The following CEACAM7 variants were observed in gnomAD, a reference collection of about 807,000 sequenced individuals.
CEACAM7 encodes cell adhesion molecule CEACAM7.
In CEACAM7, 24 loss-of-function variants were observed where a neutral mutation model predicts 25.7. The ratio of observed to expected loss-of-function variants is 0.93; its 90% confidence interval spans 0.68 to 1.31. The LOEUF is 1.31. Ranked by LOEUF, CEACAM7 falls within the 40% of genes most tolerant of loss-of-function variation. The pLI is 0.00. For synonymous variants in CEACAM7, 144 were observed against 129.4 expected, an observed-to-expected ratio of 1.11 and a Z score of -0.77; for missense variants, 324 against 330.1, an observed-to-expected ratio of 0.98 and a Z score of 0.14.
chr19:41,686,274 T>G (rs1213742492), intron 2 of CEACAM7, among the ~76,000 whole-genome samples: 1 of 152,170 alleles, frequency 6.6e-6, no homozygotes, highest in Non-Finnish European at 1.5e-5. Flanking sequence ...ATCTGTCCTC[T>G]CCAGGCTGAG....
Position 41,686,848 on chromosome 19 carries a change from G to T in CEACAM7, c.427+11C>A, listed in dbSNP as rs781992219. On this transcript the variant is annotated intron_variant, in intron 2 of 4. Transcript: ENST00000401731. ...CCCCCAGCACCCAGAAGTCATGGAG[G>T]TATCACTCACAGAATACGTAGAATT... 4.6e-6 allele frequency: 7 copies of T among 1,522,920 alleles called. No individual in the cohort carries two copies. Among genetic ancestry groups the T allele is most frequent in the Non-Finnish European group, 6.2e-6 (7 of 1,138,174 alleles). 94.3% of individuals were successfully genotyped at this position (1,522,920 alleles called of 1,614,324 possible).
intron 4 of CEACAM7, among the ~76,000 whole-genome samples, chr19:41,677,159 G>A (rs2122715210): frequency 6.6e-6 from 1 of 152,346 alleles, no homozygotes. Context: ...CAAATGAGCA[G>A]AGGCTGGGAG....
chr19:41,687,701 G>A (rs2072242972), intron 1 of CEACAM7, among the ~76,000 whole-genome samples: 1 of 152,252 alleles, frequency 6.6e-6, no homozygotes, highest in Non-Finnish European at 1.5e-5. Flanking sequence ...ACAGGCTGCA[G>A]GCTCCAGTAG....
At position 41,682,109 on chromosome 19, in the gene CEACAM7, G is replaced by A. The variant is rs1223159938; in HGVS notation, c.706+1676C>T. 6.6e-5 allele frequency among the ~76,000 whole-genome samples: 10 copies of A among 152,178 alleles called. No homozygotes were observed. The East Asian group carries it at 1.7e-3, about 27-fold the overall frequency. On this transcript the variant is annotated intron_variant, in intron 3 of 4. Coordinates refer to ENST00000401731, the MANE Select transcript of CEACAM7 (RefSeq NM_001291485.2). ...TACAGGCCATGTGCCACCATGTTTC[G>A]CTAATTTTTTGGGAAGACAGTGTTT...
At position 41,687,228 on chromosome 19, in the gene CEACAM7, G is replaced by C. The variant is rs781846654; in HGVS notation, c.65-7C>G. ...CAGAAGGTTAAAAGCGAGGCTAGGA[G>C]GGGGAGAGAACATCAGTCAATATTG... On this transcript the variant is annotated splice_polypyrimidine_tract_variant and splice_region_variant and intron_variant, in intron 1 of 4. Coordinates refer to ENST00000401731, the MANE Select transcript of CEACAM7 (RefSeq NM_001291485.2). 6.3e-6 allele frequency: 10 copies of C among 1,584,998 alleles called. No homozygotes were observed. The East Asian group carries it at 2.0e-4, about 32-fold the overall frequency.
Position 41,677,865 on chromosome 19 carries a change from T to C in CEACAM7, c.707-362A>G, listed in dbSNP as rs1056342290. ...TGTCTCAGTTGTGGCAGTTAGTGCA[T>C]TTTGAATTCACCACCTCCTTTGCAC... On this transcript the variant is annotated intron_variant, in intron 3 of 4. Transcript: ENST00000401731. Among the ~76,000 whole-genome samples, 160 of 152,266 alleles carry C rather than the reference T, an allele frequency of 1.1e-3. 1 individual carries two copies. The highest frequency in any genetic ancestry group is 5.9e-5 in the Non-Finnish European group (4 of 68,002).
rs782118134 is a variant in CEACAM7 at position 41,688,198 on chromosome 19, A to C, written c.-33T>G. ...GCTGCCTGCTTGTCCTCTGTGGAGA[A>C]GAGCTTGGGCTCCAGGAACTCTCTT... On this transcript the variant is annotated 5_prime_UTR_variant, in exon 1 of 5. Coordinates refer to ENST00000401731, the MANE Select transcript of CEACAM7 (RefSeq NM_001291485.2). 1 of 1,602,684 alleles carries C rather than the reference A, an allele frequency of 6.2e-7. No individual in the cohort carries two copies. Among genetic ancestry groups the C allele is most frequent in the Non-Finnish European group, 8.5e-7 (1 of 1,173,958 alleles).
At chr19:41,687,600 T>TC (rs35098489) in intron 1 of CEACAM7, among the ~76,000 whole-genome samples, 3,808 of 152,316 alleles carry the variant, frequency 0.025, 150 homozygotes, top group African/African-American at 0.085. Context: ...ACATTCTAGA[T>TC]CTCTTTGCCT....
At position 41,677,511 on chromosome 19, in the gene CEACAM7, G is replaced by A; in HGVS notation, c.707-8C>T. 2 of 1,604,016 alleles carry A rather than the reference G, an allele frequency of 1.2e-6. No homozygotes were observed. Among genetic ancestry groups the A allele is most frequent in the Non-Finnish European group, 1.7e-6 (2 of 1,171,476 alleles). On this transcript the variant is annotated splice_region_variant and splice_polypyrimidine_tract_variant and intron_variant, in intron 3 of 4. Coordinates refer to ENST00000401731, the MANE Select transcript of CEACAM7 (RefSeq NM_001291485.2). ...TTGCTTGTACTGACTCATCTGCCATGGAAAGAAAAGAGAAGGAATGAAGTT... is the reference window on the plus strand; with the variant it reads ...TTGCTTGTACTGACTCATCTGCCATAGAAAGAAAAGAGAAGGAATGAAGTT...
At chr19:41,681,142 C>G (rs979847322) in intron 3 of CEACAM7, among the ~76,000 whole-genome samples, 8 of 152,078 alleles carry the variant, frequency 5.3e-5, no homozygotes, top group Non-Finnish European at 1.0e-4. Flanking sequence ...GGAAGATATG[C>G]AAATGGCCAA....
chr19:41,684,475 C>CT (rs1189426657), intron 2 of CEACAM7, among the ~76,000 whole-genome samples: 2 of 151,966 alleles, frequency 1.3e-5, no homozygotes, highest in African/African-American at 2.4e-5. Context: ...TTCTCTGAGC[C>CT]TTTTTTTTCC....
At chr19:41,675,803 C>A (rs1332076916) in intron 4 of CEACAM7, among the ~76,000 whole-genome samples, 2 of 152,206 alleles carry the variant, frequency 1.3e-5, no homozygotes, top group Non-Finnish European at 2.9e-5. Flanking sequence ...TGGCATGTAA[C>A]ACTATGACTG....
chr19:41,677,501 C>T lies in CEACAM7; in HGVS notation c.709G>A (p.Glu237Lys), dbSNP rs35494482. Residue 237 changes from glutamate to lysine, a missense_variant and splice_region_variant, in exon 4 of 5, where the codon GAG (glutamate) becomes AAG (lysine). Physicochemically the swap from Glu to Lys is moderately conservative, Grantham distance 56 (BLOSUM62 1). Transcript: ENST00000401731. ...TCAGGTGAACTTGCTTGTACTGACT[C>T]ATCTGCCATGGAAAGAAAAGAGAAG... ...SDPVTLNVRY[E>K]SVQASSPDLS... is the part of the protein sequence containing the mutation. The T allele has an allele frequency of 2.8e-3, 4,547 of 1,611,134 alleles. 132 individuals carry two copies. The African/African-American group carries it at 0.053, about 19-fold the overall frequency.
At chr19:41,679,861 G>T (rs1319956967) in intron 3 of CEACAM7, among the ~76,000 whole-genome samples, 1 of 138,378 alleles carries the variant, frequency 7.2e-6, no homozygotes, top group East Asian at 2.1e-4. Context: ...AAGTGCAGTA[G>T]CATGATCTCG....
chr19:41,677,602 C>T (rs536156186), intron 3 of CEACAM7, 99 bp from the exon 4 acceptor site: 14 of 782,808 alleles, frequency 1.8e-5, no homozygotes, highest in Non-Finnish European at 3.0e-5. Flanking sequence ...CTATTTGTTC[C>T]TTCAAGGAAT....
In CEACAM7 at chr19:41,686,328, C is replaced by A. The variant is rs1388597241; in HGVS notation, c.427+531G>T. The stretch of plus-strand genomic sequence containing the variant: ...GCTCTGTCCTTGCCCAGATGAGGCC[C>A]TGGGGGTGACCAGGCTGGTGACCAG... On this transcript the variant is annotated intron_variant, in intron 2 of 4. Coordinates refer to ENST00000401731, the MANE Select transcript of CEACAM7 (RefSeq NM_001291485.2). Among the ~76,000 whole-genome samples the A allele has an allele frequency of 2.0e-5, 3 of 152,198 alleles. No homozygotes were observed. The East Asian group carries it at 5.8e-4, about 29-fold the overall frequency.
At chr19:41,680,174 GA>G (rs1209111653) in intron 3 of CEACAM7, among the ~76,000 whole-genome samples, 4 of 150,906 alleles carry the variant, frequency 2.7e-5, no homozygotes, top group Non-Finnish European at 4.4e-5. Flanking sequence ...AAGAAATTAA[GA>G]AAAAAATTGA....
intron 3 of CEACAM7, among the ~76,000 whole-genome samples, chr19:41,680,116 A>G (rs2072160381): frequency 6.6e-6 from 1 of 151,194 alleles, no homozygotes; most frequent in Admixed American, 6.6e-5. Flanking sequence ...CGTTGCATCC[A>G]GCCAAAAAAC....
At chr19:41,684,427 C>T (rs1238538136) in intron 2 of CEACAM7, among the ~76,000 whole-genome samples, 1 of 152,200 alleles carries the variant, frequency 6.6e-6, no homozygotes, top group African/African-American at 2.4e-5. Flanking sequence ...TGAGTTCCTT[C>T]CAGCTGAACA....
Sources: allele counts gnomAD v4.1 joint callset (sites outside exome capture counted in the v4.1 genomes callset), GRCh38; gene constraint gnomAD v4.1.1; transcripts MANE v1.5; gene names NCBI Gene and HGNC (gene_info 2026-07-23, HGNC 2026-07-21).